Variants in NCALD observed in about 807,000 individuals in gnomAD.
NCALD encodes the protein neurocalcin delta, also known as neurocalcin-delta.
Under a neutral mutation model 18.6 loss-of-function variants are expected in NCALD, and 10 were observed. The observed-to-expected ratio is 0.54, with a 90% confidence interval of 0.33 to 0.91. NCALD has a LOEUF of 0.91. NCALD is among the 40% of genes least tolerant of loss of function. The pLI, the probability that NCALD is intolerant of heterozygous loss-of-function variation, is 0.03. For missense variants in NCALD, 184 were observed against 247.6 expected, an observed-to-expected ratio of 0.74 and a Z score of 1.72; for synonymous variants, 88 against 87.4, an observed-to-expected ratio of 1.01 and a Z score of -0.04.
intron 2 of NCALD, among the ~76,000 whole-genome samples, chr8:101,966,644 T>TA (rs942311616): frequency 4.6e-4 from 69 of 150,946 alleles, no homozygotes; most frequent in African/African-American, 1.6e-3. Context: ...ATAATAAAAT[T>TA]AAAAAAAAAG....
In NCALD at chr8:101,689,551, G is replaced by A. The variant is rs1814621741; in HGVS notation, c.485-145C>T. Reference sequence around the variant, plus strand: ...ACACACAGCACTCACCTGTCCCGGGGAAGAGCCCAGTGGAATCTCCAGGAA... The same window carrying A: ...ACACACAGCACTCACCTGTCCCGGGAAAGAGCCCAGTGGAATCTCCAGGAA... On this transcript the variant is annotated intron_variant, in intron 3 of 3. Coordinates refer to ENST00000220931, the MANE Select transcript of NCALD (RefSeq NM_032041.3). The surrounding 1 kb of genome is among the most constrained non-coding windows in gnomAD (Gnocchi z 4.4). 1 of 647,332 alleles carries A rather than the reference G, an allele frequency of 1.5e-6. No individual in the cohort carries two copies. Among genetic ancestry groups the A allele is most frequent in the South Asian group, 1.8e-5 (1 of 54,700 alleles). The allele number at this position is 647,332 out of a possible 1,614,324, so 40.1% of individuals were successfully genotyped here.
In NCALD at chr8:101,761,648, C is replaced by T. The variant is rs541209984; in HGVS notation, c.-20+29214G>A. On this transcript the variant is annotated intron_variant, in intron 1 of 3. Coordinates refer to ENST00000220931, the MANE Select transcript of NCALD (RefSeq NM_032041.3). ...CTTATTATTTAGTTGGAGGTGACAG[C>T]AGTATTTACAGATATGGCTAATCAG... Among the ~76,000 whole-genome samples, 147 of 152,318 alleles carry T rather than the reference C, an allele frequency of 9.7e-4. 1 individual carries two copies. Among genetic ancestry groups the T allele is most frequent in the African/African-American group, 3.0e-3 (125 of 41,570 alleles).
In NCALD at chr8:101,689,284, A is replaced by G; in HGVS notation, c.*25T>C. The G allele has an allele frequency of 6.2e-7, 1 of 1,608,718 alleles. No homozygotes were observed. Among genetic ancestry groups the G allele is most frequent in the Non-Finnish European group, 8.5e-7 (1 of 1,176,576 alleles). ...ATCAAAAGGGAACACAAGCAGCTCT[A>G]CAATTCGATTGGTGGGCGCAGGGCT... On this transcript the variant is annotated 3_prime_UTR_variant, in exon 4 of 4. Transcript: ENST00000220931. The surrounding 1 kb of genome is among the most constrained non-coding windows in gnomAD (Gnocchi z 4.4).
At chr8:101,918,700 G>C (rs1281696756) in intron 2 of NCALD, among the ~76,000 whole-genome samples, 1 of 150,200 alleles carries the variant, frequency 6.7e-6, no homozygotes, top group Non-Finnish European at 1.5e-5. Flanking sequence ...CAATGTTCAA[G>C]CTGAGGGCCA....
At chr8:102,073,320 T>C (rs1027635267) in intron 1 of NCALD, among the ~76,000 whole-genome samples, 5 of 151,974 alleles carry the variant, frequency 3.3e-5, no homozygotes, top group African/African-American at 9.7e-5. Context: ...AAATAAAATA[T>C]CACCCTTTTA....
chr8:101,749,542 T>TAC (rs1186134166), intron 1 of NCALD, among the ~76,000 whole-genome samples: 2 of 152,206 alleles, frequency 1.3e-5, no homozygotes, highest in Admixed American at 6.5e-5. Context: ...TAGCTATATA[T>TAC]ACTCTTGGAG....
chr8:101,827,414 A>G (rs898059698), intron 4 of NCALD, among the ~76,000 whole-genome samples: 1 of 152,212 alleles, frequency 6.6e-6, no homozygotes, highest in Non-Finnish European at 1.5e-5. Flanking sequence ...CATCTTTGGG[A>G]ACCATTATTT....
At chr8:102,021,253 C>T (rs1822263231) in intron 1 of NCALD, among the ~76,000 whole-genome samples, 2 of 152,140 alleles carry the variant, frequency 1.3e-5, no homozygotes, top group African/African-American at 4.8e-5. Flanking sequence ...ATTAATAGAG[C>T]TATCCTCAGT....
chr8:101,836,079 CG>C (rs1344462760), intron 4 of NCALD, among the ~76,000 whole-genome samples: 1 of 151,960 alleles, frequency 6.6e-6, no homozygotes, highest in Non-Finnish European at 1.5e-5. Flanking sequence ...ACTGAAGGGA[CG>C]GGGCTGTGGC....
At chr8:101,749,654 T>C (rs1020736474) in intron 1 of NCALD, among the ~76,000 whole-genome samples, 2 of 152,172 alleles carry the variant, frequency 1.3e-5, no homozygotes, top group African/African-American at 2.4e-5. Flanking sequence ...TGTCTATGCA[T>C]ATACAGAGGA....
rs1434987311 is a variant in NCALD, at chr8:101,994,377, C to T, written c.-157+25860G>A. Reference sequence around the variant, plus strand: ...TTCTACACACTCAAGCCTCACCCCACCCCTGGCCCAGCAGAGTTTTTCCCT... The same window carrying T: ...TTCTACACACTCAAGCCTCACCCCATCCCTGGCCCAGCAGAGTTTTTCCCT... On this transcript the variant is annotated intron_variant, in intron 2 of 6. Coordinates refer to the NCALD transcript ENST00000311028. Among the ~76,000 whole-genome samples, 12 of 152,180 alleles carry T rather than the reference C, an allele frequency of 7.9e-5. No homozygotes were observed. The East Asian group carries it at 2.3e-3, about 29-fold the overall frequency.
At chr8:101,765,552 C>G (rs185920859) in intron 1 of NCALD, among the ~76,000 whole-genome samples, 118 of 152,296 alleles carry the variant, frequency 7.7e-4, no homozygotes, top group Non-Finnish European at 1.4e-3. Context: ...AAGTAAGATG[C>G]TCCTGGAATC....
At chr8:102,087,369 C>T (rs556819058) in intron 1 of NCALD, among the ~76,000 whole-genome samples, 1 of 152,100 alleles carries the variant, frequency 6.6e-6, no homozygotes, top group Non-Finnish European at 1.5e-5. Flanking sequence ...CCCACACCCC[C>T]CAACCCAAAG....
chr8:102,081,545 T>TA (rs770307937), intron 1 of NCALD, among the ~76,000 whole-genome samples: 1,490 of 68,552 alleles, frequency 0.022, 20 homozygotes, highest in East Asian at 0.03. Context: ...CAAATAATGG[T>TA]AAAAAAAAAA....
At chr8:101,718,147 T>A (rs1405937050) in intron 2 of NCALD, among the ~76,000 whole-genome samples, 1 of 152,202 alleles carries the variant, frequency 6.6e-6, no homozygotes, top group Admixed American at 6.5e-5. Flanking sequence ...TCCTTACAAT[T>A]ATAGCCTGGA....
chr8:101,900,673 T>C (rs1817387493), intron 3 of NCALD, among the ~76,000 whole-genome samples: 1 of 152,062 alleles, frequency 6.6e-6, no homozygotes, highest in Non-Finnish European at 1.5e-5. Context: ...CTGCCATCTT[T>C]CTGTTGGGGA....
intron 3 of NCALD, among the ~76,000 whole-genome samples, chr8:101,909,571 C>G (rs1401749654): frequency 6.6e-6 from 1 of 152,198 alleles, no homozygotes; most frequent in African/African-American, 2.4e-5. Context: ...TATACTATCT[C>G]ATATAATTAT....
At chr8:102,037,850 A>C (rs1032218265) in intron 1 of NCALD, among the ~76,000 whole-genome samples, 2 of 152,178 alleles carry the variant, frequency 1.3e-5, no homozygotes, top group African/African-American at 4.8e-5. Context: ...GTTTGCTTTC[A>C]TGAAGAAAAC....
At position 102,100,610 on chromosome 8, in the gene NCALD, C is replaced by T. The variant is rs1269331449; in HGVS notation, c.-210+23627G>A. On this transcript the variant is annotated intron_variant, in intron 1 of 6. Coordinates refer to the NCALD transcript ENST00000311028. ...CTCAGAGAGTTTACACACATGTTCA[C>T]GGCAGCATTATTCACATTAGCCAAT... 2.6e-5 allele frequency among the ~76,000 whole-genome samples: 4 copies of T among 152,218 alleles called. No individual in the cohort carries two copies. In the East Asian group the frequency reaches 5.8e-4, roughly 22 times the overall value.
Sources: allele counts gnomAD v4.1 joint callset (sites outside exome capture counted in the v4.1 genomes callset), GRCh38; gene constraint gnomAD v4.1.1; non-coding constraint Gnocchi (gnomAD v3.1); transcripts MANE v1.5; gene names NCBI Gene and HGNC (gene_info 2026-07-23, HGNC 2026-07-21).